Variants in DSN1 observed in about 807,000 individuals in gnomAD.
The protein encoded by DSN1 is DSN1 component of MIS12 kinetochore complex, also known as kinetochore-associated protein DSN1 homolog.
In DSN1, 31 loss-of-function variants were observed where a neutral mutation model predicts 45.7. The observed-to-expected ratio is 0.68, with a 90% CI of 0.51 to 0.92. DSN1 has a LOEUF of 0.92. DSN1 is among the 40% of genes least tolerant of loss of function. The pLI is 0.00. For synonymous variants in DSN1, 134 were observed against 142.3 expected (o/e 0.94, Z 0.41); for missense variants, 394 against 414.2 (o/e 0.95, Z 0.42).
chr20:36,760,169 A>C (rs966825593), intron 6 of DSN1, among the ~76,000 whole-genome samples: 3 of 151,304 alleles, frequency 2.0e-5, no homozygotes, highest in Non-Finnish European at 4.4e-5. Flanking sequence ...GCTTGAGCCC[A>C]GGAGGTGGAG....
chr20:36,761,283 C>G (rs563300688), intron 6 of DSN1, among the ~76,000 whole-genome samples: 179 of 152,218 alleles, frequency 1.2e-3, no homozygotes, highest in African/African-American at 3.8e-3. Flanking sequence ...AAGTTGCCCA[C>G]CCCCTCAAGT....
In DSN1 at chr20:36,761,940, T is replaced by C. The variant is rs575064424; in HGVS notation, c.590+521A>G. 8.6e-5 allele frequency among the ~76,000 whole-genome samples: 13 copies of C among 151,720 alleles called. 1 individual carries two copies. In the South Asian group the frequency reaches 2.5e-3, roughly 29 times the overall value. Reference sequence around the variant, plus strand: ...AGGAGACTGGTTTGAACCCGGGAGATGGAGGTTGCAGTAAGCCAAGATTGC... The same window carrying C: ...AGGAGACTGGTTTGAACCCGGGAGACGGAGGTTGCAGTAAGCCAAGATTGC... On this transcript the variant is annotated intron_variant, in intron 6 of 10. Coordinates refer to ENST00000373750, the MANE Select transcript of DSN1 (RefSeq NM_001145315.2).
chr20:36,771,137 G>A lies in DSN1; in HGVS notation c.91C>T (p.Pro31Ser). 2 of 1,613,986 alleles carry A rather than the reference G, an allele frequency of 1.2e-6. No individual in the cohort carries two copies. Among genetic ancestry groups the A allele is most frequent in the Non-Finnish European group, 8.5e-7 (1 of 1,179,988 alleles). ...HDHQLESSLS[P>S]VEVFAKTSAS... is the part of the protein sequence containing the mutation. Reference sequence around the variant, plus strand: ...GATGTTTTAGCAAACACTTCCACAGGACTGAGACTTGATTCCAATTGATGA... The same window carrying A: ...GATGTTTTAGCAAACACTTCCACAGAACTGAGACTTGATTCCAATTGATGA... Residue 31 changes from proline (P) to serine (S), a missense_variant, in exon 3 of 11, where the codon CCT becomes TCT. Transcript: ENST00000373750.
intron 6 of DSN1, among the ~76,000 whole-genome samples, chr20:36,758,866 C>T (rs1379167732): frequency 6.6e-6 from 1 of 151,782 alleles, no homozygotes; most frequent in African/African-American, 2.4e-5. Flanking sequence ...TTTGTATTTT[C>T]AGTAGAGGTG....
At chr20:36,756,657 TA>T (rs139204695) in intron 8 of DSN1, among the ~76,000 whole-genome samples, 85 of 152,262 alleles carry the variant, frequency 5.6e-4, no homozygotes, top group African/African-American at 2.0e-3. Context: ...AAGGTACTAA[TA>T]TCATCCCCAT....
At chr20:36,768,952 C>T (rs1436412401) in intron 3 of DSN1, among the ~76,000 whole-genome samples, 1 of 152,028 alleles carries the variant, frequency 6.6e-6, no homozygotes, top group East Asian at 1.9e-4. Context: ...TTGTTGAACA[C>T]TTGCTATATA....
At chr20:36,765,465 G>A (rs573951919) in intron 5 of DSN1, among the ~76,000 whole-genome samples, 1 of 152,192 alleles carries the variant, frequency 6.6e-6, no homozygotes, top group Admixed American at 6.5e-5. Context: ...TGAGGCAGGA[G>A]AATTGCTTGA....
At chr20:36,771,581 GCTACC>G in intron 1 of DSN1, 108 bp from the exon 2 acceptor site, 1 of 979,028 alleles carries the variant, frequency 1.0e-6, no homozygotes, top group Non-Finnish European at 1.6e-6. Flanking sequence ...GCCTCTCTGA[GCTACC>G]CTTATCCACC....
intron 1 of DSN1, chr20:36,773,343 G>C: frequency 1.0e-6 from 1 of 981,526 alleles, no homozygotes; most frequent in Non-Finnish European, 1.2e-6. Context: ...GACACAGCCA[G>C]CCTGGGGGCA....
rs150788766 is a variant in DSN1, at chr20:36,755,520, ATTTG to A, written c.873+158_873+161del. On this transcript the variant is annotated intron_variant, in intron 9 of 10. Transcript: ENST00000373750. Reference sequence around the variant, plus strand: ...CATCAGCATTTACCACTATATATTCATTTGTTTATTATTTTTTAATTGTCTCTCC... The same window carrying A: ...CATCAGCATTTACCACTATATATTCATTTATTATTTTTTAATTGTCTCTCC... 6.7e-3 allele frequency among the ~76,000 whole-genome samples: 1,019 copies of A among 151,966 alleles called. 13 individuals are homozygous for A. The highest frequency in any genetic ancestry group is 0.023 in the African/African-American group (957 of 41,432).
chr20:36,768,352 G>C (rs1378985122), intron 3 of DSN1, among the ~76,000 whole-genome samples: 1 of 152,150 alleles, frequency 6.6e-6, no homozygotes, highest in Non-Finnish European at 1.5e-5. Context: ...AGACTAGTCT[G>C]GACAACATGG....
intron 8 of DSN1, 70 bp from the exon 9 acceptor site, chr20:36,755,899 C>A: frequency 6.5e-7 from 1 of 1,536,548 alleles, no homozygotes; most frequent in Middle Eastern, 2.3e-4. Context: ...CAAAGATTAT[C>A]CTATAAAGCT....
chr20:36,762,199 C>T (rs563335598), intron 6 of DSN1, among the ~76,000 whole-genome samples: 5 of 148,976 alleles, frequency 3.4e-5, no homozygotes, highest in South Asian at 4.4e-4. Context: ...CTCCGCATAC[C>T]GGGTTCATGC....
intron 6 of DSN1, among the ~76,000 whole-genome samples, chr20:36,760,780 C>T (rs375846722): frequency 2.6e-5 from 4 of 152,096 alleles, no homozygotes; most frequent in South Asian, 4.1e-4. Context: ...CCTAGCTACT[C>T]GGGTTAGGCT....
chr20:36,759,777 C>T lies in DSN1; in HGVS notation c.591-1160G>A, dbSNP rs142096660. Among the ~76,000 whole-genome samples the T allele has an allele frequency of 2.7e-3, 405 of 152,184 alleles. 3 individuals carry two copies. Among genetic ancestry groups the T allele is most frequent in the African/African-American group, 9.0e-3 (374 of 41,526 alleles). On this transcript the variant is annotated intron_variant, in intron 6 of 10. Transcript: ENST00000373750. The stretch of plus-strand genomic sequence containing the variant: ...GGATTACAAGCATGAGCCACTGTGC[C>T]GGGCTTGCACTAGGTAATAGCTTTC...
Position 36,770,873 on chromosome 20 carries a change from C to G in DSN1, c.355G>C (p.Glu119Gln). The part of the protein sequence containing the change: ...SLHPIHQGIT[E>Q]LSRSISVDLA... ...CTGTCTTGTGTACACAGCACCCCAC[C>G]TGTGATGCCCTGGTGAATGGGATGC... Residue 119 changes from glutamate to glutamine, a missense_variant and splice_region_variant, in exon 3 of 11, where the codon GAG (glutamate) becomes CAG (glutamine). Coordinates refer to ENST00000373750, the MANE Select transcript of DSN1 (RefSeq NM_001145315.2). 1 of 1,606,954 alleles carries G rather than the reference C, an allele frequency of 6.2e-7. No individual in the cohort carries two copies.
chr20:36,757,583 A>AAACAC (rs1415821356), intron 8 of DSN1, among the ~76,000 whole-genome samples: 1 of 152,096 alleles, frequency 6.6e-6, no homozygotes, highest in Non-Finnish European at 1.5e-5. Flanking sequence ...AAACAAAACA[A>AAACAC]AACAAAACAA....
chr20:36,768,101 A>G (rs1987448658), intron 3 of DSN1, 59 bp from the exon 4 acceptor site: 2 of 1,534,880 alleles, frequency 1.3e-6, no homozygotes, highest in Non-Finnish European at 1.8e-6. Flanking sequence ...AGCAACTAAC[A>G]AAACTGAAAA....
chr20:36,765,630 C>G (rs1364627336), intron 5 of DSN1, among the ~76,000 whole-genome samples: 1 of 151,570 alleles, frequency 6.6e-6, no homozygotes, highest in Non-Finnish European at 1.5e-5. Context: ...AACCCCGGCT[C>G]TACAAAAAAT....
Sources: allele counts gnomAD v4.1 joint callset (sites outside exome capture counted in the v4.1 genomes callset), GRCh38; gene constraint gnomAD v4.1.1; transcripts MANE v1.5; gene names NCBI Gene and HGNC (gene_info 2026-07-23, HGNC 2026-07-21).